The following THOP1 variants were observed in gnomAD, a reference collection of about 807,000 sequenced individuals.
The protein encoded by THOP1 is thimet oligopeptidase 1.
THOP1 carries 49 observed loss-of-function variants against 71.8 expected under a neutral mutation model. The ratio of observed to expected loss-of-function variants is 0.68; its 90% CI spans 0.54 to 0.87. The LOEUF (loss-of-function observed/expected upper bound fraction) is 0.87. THOP1 is among the 40% of genes least tolerant of loss of function. THOP1 has a pLI of 0.00. For missense variants in THOP1, 843 were observed against 975.6 expected (o/e 0.86, Z 1.81); for synonymous variants, 426 against 421.5 (o/e 1.01, Z -0.13).
intron 4 of THOP1, among the ~76,000 whole-genome samples, chr19:2,797,706 G>A (rs978891453): frequency 6.6e-6 from 1 of 152,220 alleles, no homozygotes; most frequent in Non-Finnish European, 1.5e-5. Context: ...CACAACTCAC[G>A]ATGGGATTAT....
intron 12 of THOP1, chr19:2,812,300 G>T: frequency 6.5e-7 from 1 of 1,535,460 alleles, no homozygotes; most frequent in Non-Finnish European, 8.7e-7. Flanking sequence ...CCCTCACAAG[G>T]AACAGGTGGC....
chr19:2,789,116 G>A (rs1377164714), intron 1 of THOP1, among the ~76,000 whole-genome samples: 3 of 152,234 alleles, frequency 2.0e-5, no homozygotes, highest in East Asian at 3.8e-4. Context: ...GGATGAGACA[G>A]AAACCATATG....
At position 2,804,516 on chromosome 19, in the gene THOP1, C is replaced by G. The variant is rs906298027; in HGVS notation, c.590-500C>G. On this transcript the variant is annotated intron_variant, in intron 5 of 12. Coordinates refer to ENST00000307741, the MANE Select transcript of THOP1 (RefSeq NM_003249.5). The surrounding 1 kb of genome is among the most constrained non-coding windows in gnomAD (Gnocchi z 4.7). ...GCAGGACCTCCCTCTCCACGTGGGGCCTCCCTCTCCGCCCAGGGCCCAGCG... is the reference window on the plus strand; with the variant it reads ...GCAGGACCTCCCTCTCCACGTGGGGGCTCCCTCTCCGCCCAGGGCCCAGCG... 6.5e-6 allele frequency: 1 copy of G among 154,080 alleles called. No individual in the cohort carries two copies. The highest frequency in any genetic ancestry group is 1.4e-5 in the Non-Finnish European group (1 of 69,466). The allele number at this position is 154,080 out of a possible 1,614,324, so 9.5% of individuals were successfully genotyped here.
rs1394746382 is a variant in THOP1, at chr19:2,804,828, G to A, written c.590-188G>A. On this transcript the variant is annotated intron_variant, in intron 5 of 12. Transcript: ENST00000307741. The surrounding 1 kb of genome is among the most constrained non-coding windows in gnomAD (Gnocchi z 4.7). ...GTGGCCAGGCTGTGGGGGAGCCAGGGTATTTCTTGATGGGGTTAGATGGGG... is the reference window on the plus strand; with the variant it reads ...GTGGCCAGGCTGTGGGGGAGCCAGGATATTTCTTGATGGGGTTAGATGGGG... 6.6e-6 allele frequency among the ~76,000 whole-genome samples: 1 copy of A among 152,078 alleles called. No homozygotes were observed. Among genetic ancestry groups the A allele is most frequent in the Non-Finnish European group, 1.5e-5 (1 of 68,008 alleles).
Position 2,804,002 on chromosome 19 carries a change from C to T in THOP1, c.590-1014C>T, listed in dbSNP as rs574999247. On this transcript the variant is annotated intron_variant, in intron 5 of 12. Transcript: ENST00000307741. The surrounding 1 kb of genome is among the most constrained non-coding windows in gnomAD (Gnocchi z 4.7). ...CCTGGGGTCGGCGTGAGCTCCCGAT[C>T]GTTCTTTCTACCCCTACTGCTCTGG... Among the ~76,000 whole-genome samples, 6 of 151,548 alleles carry T rather than the reference C, an allele frequency of 4.0e-5. No homozygotes were observed. Among genetic ancestry groups the T allele is most frequent in the East Asian group, 3.9e-4 (2 of 5,158 alleles).
chr19:2,810,110 TGCCACCGGCA>T (rs1023678756), intron 9 of THOP1, 184 bp from the exon 10 acceptor site: 4 of 663,924 alleles, frequency 6.0e-6, no homozygotes, highest in Non-Finnish European at 1.0e-5. Context: ...TGTGTCCTGC[TGCCACCGGCA>T]GCCAGCAGCA....
intron 2 of THOP1, among the ~76,000 whole-genome samples, chr19:2,792,061 T>C (rs1238032009): frequency 6.6e-6 from 1 of 152,248 alleles, no homozygotes; most frequent in Non-Finnish European, 1.5e-5. Context: ...CTCCTCCTCC[T>C]GTCCCCATGC....
chr19:2,798,731 T>A (rs899783980), intron 4 of THOP1, among the ~76,000 whole-genome samples: 2 of 152,190 alleles, frequency 1.3e-5, no homozygotes, highest in Non-Finnish European at 2.9e-5. Flanking sequence ...GGGCACAGTT[T>A]CCCCCTGCTG....
chr19:2,789,683 C>G (rs1915832266), intron 1 of THOP1, among the ~76,000 whole-genome samples: 1 of 152,160 alleles, frequency 6.6e-6, no homozygotes, highest in Non-Finnish European at 1.5e-5. Context: ...CTGGACTTCC[C>G]CTTTTGTGAA....
Position 2,813,423 on chromosome 19 carries a change from C to T in THOP1, c.*147C>T. 3 of 1,077,582 alleles carry T rather than the reference C, an allele frequency of 2.8e-6. No individual in the cohort carries two copies. The highest frequency in any genetic ancestry group is 3.9e-6 in the Non-Finnish European group (3 of 777,840). The allele number at this position is 1,077,582 out of a possible 1,614,324, so 66.8% of individuals were successfully genotyped here. A position where few individuals can be genotyped will look rare whatever the true frequency, so the allele number is the denominator to read the frequency against. ...TGTCTTGCCTCTTGTCATTGTCTGT[C>T]CCCACCCGGTCGTGGCCCACCCGGC... is the stretch of plus-strand genomic sequence containing the variant. On this transcript the variant is annotated 3_prime_UTR_variant, in exon 13 of 13. Coordinates refer to ENST00000307741, the MANE Select transcript of THOP1 (RefSeq NM_003249.5).
intron 10 of THOP1, 59 bp from the exon 11 acceptor site, chr19:2,810,581 C>A: frequency 6.5e-7 from 1 of 1,531,372 alleles, no homozygotes. Flanking sequence ...GGTCGGAGCT[C>A]TGGGCAGAGT....
At chr19:2,791,407 T>TC (rs71337172) in intron 2 of THOP1, among the ~76,000 whole-genome samples, 67,998 of 152,042 alleles carry the variant, frequency 0.45, 17,691 homozygotes, top group African/African-American at 0.72. Context: ...TCTCTCGTGT[T>TC]CCAAGGCATC....
At chr19:2,787,911 A>G (rs985329455) in intron 1 of THOP1, among the ~76,000 whole-genome samples, 35 of 152,190 alleles carry the variant, frequency 2.3e-4, no homozygotes, top group African/African-American at 8.2e-4. Flanking sequence ...CCTGGTGCGT[A>G]TTCCTGCATC....
At position 2,810,427 on chromosome 19, in the gene THOP1, A is replaced by G. The variant is rs1217760345; in HGVS notation, c.1579A>G (p.Thr527Ala). 1.4e-5 allele frequency: 23 copies of G among 1,603,058 alleles called. No individual in the cohort carries two copies. Among genetic ancestry groups the G allele is most frequent in the East Asian group, 2.2e-5 (1 of 44,498 alleles). ...PLLRMSRHYR[T>A]GSAVPRELLE... ...GCTGCGGATGTCGCGGCACTACCGC[A>G]CAGGCAGCGCCGTGCCCCGGGAGCT... Residue 527 changes from threonine to alanine, a missense_variant, in exon 10 of 13, where the codon ACA becomes GCA. Coordinates refer to ENST00000307741, the MANE Select transcript of THOP1 (RefSeq NM_003249.5).
rs183452676 is a variant in THOP1, at chr19:2,796,478, G to A, written c.486+290G>A. Among the ~76,000 whole-genome samples, 805 of 150,440 alleles carry A rather than the reference G, an allele frequency of 5.4e-3. 19 individuals carry two copies. Among genetic ancestry groups the A allele is most frequent in the East Asian group, 6.5e-3 (33 of 5,110 alleles). On this transcript the variant is annotated intron_variant, in intron 4 of 12. Coordinates refer to ENST00000307741, the MANE Select transcript of THOP1 (RefSeq NM_003249.5). ...GAGTGCTCGGTCCCAGGGAGCACTG[G>A]GCATGGGGAGTACTGAGCTCAGGGA...
intron 4 of THOP1, among the ~76,000 whole-genome samples, chr19:2,796,606 T>G (rs1916020177): frequency 6.8e-6 from 1 of 148,084 alleles, no homozygotes; most frequent in African/African-American, 2.5e-5. Flanking sequence ...TGGGGAGTAC[T>G]GGGCACGGGG....
At chr19:2,791,369 G>A (rs1014686507) in intron 2 of THOP1, among the ~76,000 whole-genome samples, 2 of 151,870 alleles carry the variant, frequency 1.3e-5, no homozygotes, top group Admixed American at 6.6e-5. Context: ...GGGAACCATC[G>A]AGAATCCTTG....
chr19:2,806,794 G>T, intron 6 of THOP1, 123 bp from the exon 7 acceptor site: 1 of 1,531,734 alleles, frequency 6.5e-7, no homozygotes, highest in East Asian at 2.3e-5. Flanking sequence ...CAGGCCGAGA[G>T]GGGCAGGGAC....
intron 1 of THOP1, among the ~76,000 whole-genome samples, chr19:2,788,310 C>G (rs982808223): frequency 6.6e-6 from 1 of 152,172 alleles, no homozygotes; most frequent in Non-Finnish European, 1.5e-5. Context: ...TCAGCTTCTG[C>G]GTTCTGAGCT....
Sources: allele counts gnomAD v4.1 joint callset (sites outside exome capture counted in the v4.1 genomes callset), GRCh38; gene constraint gnomAD v4.1.1; non-coding constraint Gnocchi (gnomAD v3.1); transcripts MANE v1.5; gene names NCBI Gene and HGNC (gene_info 2026-07-23, HGNC 2026-07-21).